GLMN: variants seen among roughly 807,000 people sequenced by gnomAD.
The protein encoded by GLMN is glomulin, FKBP associated protein.
GLMN carries 75 observed loss-of-function variants against 87.8 expected under a neutral mutation model. The observed-to-expected ratio is 0.85, with a 90% CI of 0.71 to 1.04. The LOEUF is 1.04. Among genes scored for constraint, GLMN ranks in the 50% least tolerant of loss-of-function variants. The pLI, the probability that GLMN is intolerant of heterozygous loss-of-function variation, is 0.00. For synonymous variants in GLMN, 206 were observed against 221.6 expected, an observed-to-expected ratio of 0.93 and a Z score of 0.63; for missense variants, 588 against 658.8, an observed-to-expected ratio of 0.89 and a Z score of 1.18.
At chr1:92,303,560 T>C (rs955168687), upstream of GLMN, among the ~76,000 whole-genome samples, 1 of 152,176 alleles carries the variant, frequency 6.6e-6, no homozygotes, top group Non-Finnish European at 1.5e-5. Context: ...TTTTAAAGAT[T>C]ATGCTTTAAA....
the GLMN span, among the ~76,000 whole-genome samples, chr1:92,321,858 A>AT: frequency 1.3e-4 from 19 of 144,560 alleles, no homozygotes; most frequent in East Asian, 3.5e-3. Flanking sequence ...TTACCCATTT[A>AT]TTTTTATCAT....
At chr1:92,309,493 T>C in the GLMN span, among the ~76,000 whole-genome samples, 1 of 152,014 alleles carries the variant, frequency 6.6e-6, no homozygotes, top group Non-Finnish European at 1.5e-5. Flanking sequence ...CAACTTAATT[T>C]ACATTTAAAT....
At chr1:92,310,428 G>A in the GLMN span, among the ~76,000 whole-genome samples, 1 of 152,094 alleles carries the variant, frequency 6.6e-6, no homozygotes, top group East Asian at 1.9e-4. Flanking sequence ...GTTTACATAT[G>A]GCATGGGATA....
At chr1:92,269,326 C>T (rs1655991127) in intron 9 of GLMN, among the ~76,000 whole-genome samples, 1 of 152,006 alleles carries the variant, frequency 6.6e-6, no homozygotes, top group Non-Finnish European at 1.5e-5. Context: ...CACCTCCTTC[C>T]TTTTGATGCA....
chr1:92,318,003 A>G, the GLMN span, among the ~76,000 whole-genome samples: 1 of 152,192 alleles, frequency 6.6e-6, no homozygotes, highest in African/African-American at 2.4e-5. Flanking sequence ...ATCTGCAGCT[A>G]TCACTCCTGA....
chr1:92,282,041 C>A (rs905571110), intron 7 of GLMN, among the ~76,000 whole-genome samples: 4 of 152,148 alleles, frequency 2.6e-5, no homozygotes, highest in African/African-American at 9.7e-5. Context: ...TTTAACACCC[C>A]ACTGTCAATA....
At chr1:92,280,868 G>C (rs975193836) in intron 7 of GLMN, among the ~76,000 whole-genome samples, 2 of 152,204 alleles carry the variant, frequency 1.3e-5, no homozygotes, top group African/African-American at 4.8e-5. Context: ...AAGGGTATCA[G>C]TGACTGAAGA....
the GLMN span, among the ~76,000 whole-genome samples, chr1:92,335,400 T>C: frequency 6.6e-6 from 1 of 152,148 alleles, no homozygotes; most frequent in African/African-American, 2.4e-5. Flanking sequence ...CTTAAAAAAA[T>C]AAAGTAACAC....
In GLMN at chr1:92,268,085, A is replaced by T. The variant is rs1655854975; in HGVS notation, c.1008+20T>A. 2 of 1,450,078 alleles carry T rather than the reference A, an allele frequency of 1.4e-6. No individual in the cohort carries two copies. Among genetic ancestry groups the T allele is most frequent in the Non-Finnish European group, 1.9e-6 (2 of 1,031,060 alleles). The allele number at this position is 1,450,078 out of a possible 1,614,324, so 89.8% of individuals were successfully genotyped here. ...TGACATAACTATGTATTTAAGTTAT[A>T]ATGGGAACAAACATCTTACCAATCC... On this transcript the variant is annotated intron_variant, in intron 10 of 18. Transcript: ENST00000370360.
upstream of GLMN, among the ~76,000 whole-genome samples, chr1:92,303,450 A>G (rs1253751957): frequency 6.6e-6 from 1 of 152,254 alleles, no homozygotes; most frequent in African/African-American, 2.4e-5. Context: ...ATGTTAGCTT[A>G]TAACCATCAC....
chr1:92,305,432 C>CAAAAAAA, the GLMN span, among the ~76,000 whole-genome samples: 238 of 52,672 alleles, frequency 4.5e-3, 22 homozygotes, highest in African/African-American at 0.011. Context: ...GGCTCCGTCT[C>CAAAAAAA]AAAAAAAAAA....
intron 14 of GLMN, 66 bp from the exon 15 acceptor site, chr1:92,263,798 C>T (rs1365192713): frequency 1.2e-6 from 1 of 804,172 alleles, no homozygotes; most frequent in African/African-American, 1.7e-5. Flanking sequence ...TTTCTAATAC[C>T]TTGACACTAC....
At chr1:92,339,451 T>C in the GLMN span, among the ~76,000 whole-genome samples, 2 of 152,166 alleles carry the variant, frequency 1.3e-5, no homozygotes, top group Admixed American at 1.3e-4. Context: ...CCTACTGCTG[T>C]AGGGCATGAT....
intron 7 of GLMN, among the ~76,000 whole-genome samples, chr1:92,284,362 C>A (rs781566767): frequency 9.2e-5 from 14 of 152,226 alleles, no homozygotes; most frequent in East Asian, 1.9e-4. Context: ...CAAAAACAAG[C>A]AATGGGGAAA....
At chr1:92,341,691 C>G in the GLMN span, among the ~76,000 whole-genome samples, 111 of 152,316 alleles carry the variant, frequency 7.3e-4, no homozygotes, top group Middle Eastern at 3.4e-3. Flanking sequence ...GTCGTCCAGG[C>G]TGGAGTGCAG....
chr1:92,368,386 G>GA, the GLMN span, among the ~76,000 whole-genome samples: 1 of 151,838 alleles, frequency 6.6e-6, no homozygotes, highest in Non-Finnish European at 1.5e-5. Context: ...CTCAAAAAAA[G>GA]AAAAAAATCC....
the GLMN span, among the ~76,000 whole-genome samples, chr1:92,332,881 G>A: frequency 1.3e-5 from 2 of 152,022 alleles, no homozygotes; most frequent in Admixed American, 6.6e-5. Flanking sequence ...TTATAGCCTC[G>A]TTAGCTCTCT....
At chr1:92,323,028 A>G in the GLMN span, among the ~76,000 whole-genome samples, 1 of 145,786 alleles carries the variant, frequency 6.9e-6, no homozygotes, top group Non-Finnish European at 1.5e-5. Context: ...TTATATTTTT[A>G]TATATTTATA....
chr1:92,346,606 TTTTG>T, the GLMN span, among the ~76,000 whole-genome samples: 1 of 152,248 alleles, frequency 6.6e-6, no homozygotes, highest in Non-Finnish European at 1.5e-5. Flanking sequence ...TCTAATATTA[TTTTG>T]TTTGTCAACA....
Sources: gnomAD v4.1 joint callset for allele counts (sites outside exome capture counted in the v4.1 genomes callset) on GRCh38, gnomAD v4.1.1 for gene constraint, MANE v1.5 for transcripts, NCBI Gene and HGNC (gene_info 2026-07-23, HGNC 2026-07-21) for gene names.